NADSYN1: variants seen among roughly 807,000 people sequenced by gnomAD.
The protein encoded by NADSYN1 is NAD synthetase 1, also known as glutamine-dependent NAD(+) synthetase.
A neutral mutation model predicts 99.3 loss-of-function variants in NADSYN1; 80 were observed. That is an observed-to-expected ratio of 0.81 (90% CI 0.67 to 0.97). The LOEUF (loss-of-function observed/expected upper bound fraction) is 0.97, where lower values mean the gene tolerates loss of function less well. NADSYN1 is among the 50% of genes least tolerant of loss of function. NADSYN1 has a pLI of 0.00. For missense variants in NADSYN1, 859 were observed against 948.5 expected (o/e 0.91, Z 1.24); for synonymous variants, 385 against 372.1 (o/e 1.03, Z -0.40).
intron 13 of NADSYN1, 60 bp from the exon 14 acceptor site, chr11:71,482,789 C>A (rs1949717992): frequency 6.3e-7 from 1 of 1,578,538 alleles, no homozygotes; most frequent in Middle Eastern, 2.3e-4. Flanking sequence ...CGGGGTGGAA[C>A]TATGTAAACA....
chr11:71,487,844 A>AAAAAG (rs1458488690), intron 16 of NADSYN1, among the ~76,000 whole-genome samples: 1 of 151,326 alleles, frequency 6.6e-6, no homozygotes, highest in Non-Finnish European at 1.5e-5. Context: ...AAAAAAAAAA[A>AAAAAG]AAAAAAGAAA....
chr11:71,463,129 G>A (rs1027096849), intron 3 of NADSYN1, among the ~76,000 whole-genome samples: 1 of 152,172 alleles, frequency 6.6e-6, no homozygotes, highest in African/African-American at 2.4e-5. Context: ...AGGGGAGGAG[G>A]CAACAGAGGC....
In NADSYN1 at chr11:71,501,369, G is replaced by T. The variant is rs750976311; in HGVS notation, c.*17G>T. 1 of 1,594,570 alleles carries T rather than the reference G, an allele frequency of 6.3e-7. No homozygotes were observed. The highest frequency in any genetic ancestry group is 8.5e-7 in the Non-Finnish European group (1 of 1,170,774). ...GTGGACTGAGGCCGGTTCCTTCCTG[G>T]AGGCCTCCTGTCCTCGGGGACCCCA... On this transcript the variant is annotated 3_prime_UTR_variant, in exon 21 of 21. Transcript: ENST00000319023.
chr11:71,491,445 G>GT (rs1949778553), intron 17 of NADSYN1, among the ~76,000 whole-genome samples: 7 of 151,770 alleles, frequency 4.6e-5, no homozygotes, highest in Non-Finnish European at 1.0e-4. Context: ...GACATGCTTA[G>GT]CTTCGCCACA....
chr11:71,470,307 C>T (rs1308579183), intron 5 of NADSYN1, among the ~76,000 whole-genome samples: 2 of 152,220 alleles, frequency 1.3e-5, no homozygotes, highest in African/African-American at 4.8e-5. Context: ...ACCATATCAG[C>T]GCACCTGGGT....
chr11:71,460,512 G>T (rs573414332), intron 3 of NADSYN1, among the ~76,000 whole-genome samples: 7 of 152,146 alleles, frequency 4.6e-5, no homozygotes, highest in South Asian at 2.1e-4. Context: ...CAGTACACCT[G>T]GCTAATTTTA....
intron 9 of NADSYN1, among the ~76,000 whole-genome samples, chr11:71,475,807 T>C (rs942927978): frequency 4.6e-5 from 7 of 152,062 alleles, no homozygotes; most frequent in Non-Finnish European, 4.4e-5. Context: ...CTCCGCCCCA[T>C]GTTAAAGCAA....
intron 2 of NADSYN1, 112 bp downstream of exon 2, chr11:71,455,282 G>A (rs116869805): frequency 1.6e-5 from 14 of 900,852 alleles, no homozygotes; most frequent in African/African-American, 5.0e-5. Flanking sequence ...CTGTGGACAC[G>A]CCACACCCAC....
intron 2 of NADSYN1, among the ~76,000 whole-genome samples, chr11:71,457,658 C>T (rs1949522517): frequency 6.6e-6 from 1 of 152,168 alleles, no homozygotes; most frequent in African/African-American, 2.4e-5. Context: ...GCGTCTGGCT[C>T]CCTCCGAAGG....
intron 9 of NADSYN1, chr11:71,475,948 A>AG (rs1164105002): frequency 4.5e-6 from 2 of 448,422 alleles, no homozygotes; most frequent in African/African-American, 4.0e-5. Context: ...TCCTGAGCTC[A>AG]GGCAATCCAC....
At chr11:71,476,888 A>C (rs755536666) in intron 9 of NADSYN1, 1 of 987,170 alleles carries the variant, frequency 1.0e-6, no homozygotes, top group Non-Finnish European at 1.2e-6. Flanking sequence ...TGTTTCGTGC[A>C]TTAGAATCCG....
intron 11 of NADSYN1, chr11:71,481,106 G>C (rs1375138715): frequency 1.5e-6 from 1 of 659,240 alleles, no homozygotes; most frequent in African/African-American, 1.8e-5. Flanking sequence ...GGGCCCCAAG[G>C]TGCTGTCCGT....
chr11:71,473,471 T>A (rs1255663822), intron 7 of NADSYN1, 98 bp from the exon 8 acceptor site: 1 of 1,532,368 alleles, frequency 6.5e-7, no homozygotes, highest in East Asian at 2.3e-5. Flanking sequence ...GCCGTGGCCG[T>A]GGGCTGGGAG....
Position 71,498,457 on chromosome 11 carries a change from A to C in NADSYN1, c.1999A>C (p.Asn667His), listed in dbSNP as rs745557107. The change falls in exon 20 of 21, where the codon AAC becomes CAC. Residue 667 changes from asparagine (N) to histidine (H), a missense_variant. Coordinates refer to ENST00000319023, the MANE Select transcript of NADSYN1 (RefSeq NM_018161.5). The part of the protein sequence containing the change: ...YHAENYSPED[N>H]RFDLRPFLYN... ...CGCCGAGAACTACAGCCCTGAGGACAACAGGTTTGATCTGCGACCATTTCT... is the reference window on the plus strand; with the variant it reads ...CGCCGAGAACTACAGCCCTGAGGACCACAGGTTTGATCTGCGACCATTTCT... The C allele has an allele frequency of 6.2e-7, 1 of 1,614,230 alleles. No individual in the cohort carries two copies. The highest frequency in any genetic ancestry group is 1.3e-5 in the African/African-American group (1 of 75,060).
At chr11:71,477,386 A>AACC (rs1489661310) in intron 9 of NADSYN1, 10 of 1,289,762 alleles carry the variant, frequency 7.8e-6, no homozygotes, top group Non-Finnish European at 1.0e-5. Flanking sequence ...GCAGCCAGAG[A>AACC]ACCACAGGAT....
intron 5 of NADSYN1, chr11:71,464,344 C>T (rs1466506587): frequency 1.2e-5 from 6 of 518,814 alleles, no homozygotes; most frequent in East Asian, 3.3e-5. Context: ...ATGAAAGCCC[C>T]CTCCACAGGG....
chr11:71,473,384 G>T lies in NADSYN1; in HGVS notation c.548+18G>T. 1 of 1,613,062 alleles carries T rather than the reference G, an allele frequency of 6.2e-7. No homozygotes were observed. ...CCCCACAGGTCAGCCCCATGCCCCT[G>T]TGCTGTCTGATCGCCCACCTCATAT... On this transcript the variant is annotated intron_variant, in intron 7 of 20. Transcript: ENST00000319023.
In NADSYN1 at chr11:71,473,605, C is replaced by T; in HGVS notation, c.585C>T (p.Ile195=). The T allele has an allele frequency of 6.2e-7, 1 of 1,612,968 alleles. No homozygotes were observed. Residue 195 remains isoleucine, a synonymous_variant, in exon 8 of 21, where the codon ATC becomes ATT. Transcript: ENST00000319023. The part of the protein sequence containing the change: ...HIDMGLDGVE[I]ITNASGSHQV... ...ACATGGGCCTGGATGGCGTGGAGAT[C>T]ATCACCAACGCCTCGGGCAGCCACC...
intron 5 of NADSYN1, among the ~76,000 whole-genome samples, chr11:71,471,773 C>A (rs145569310): frequency 2.0e-5 from 3 of 152,154 alleles, no homozygotes; most frequent in Admixed American, 2.0e-4. Context: ...GTTTCTCAAC[C>A]TTTAACATTT....
Sources: allele counts gnomAD v4.1 joint callset (sites outside exome capture counted in the v4.1 genomes callset), GRCh38; gene constraint gnomAD v4.1.1; transcripts MANE v1.5; gene names NCBI Gene and HGNC (gene_info 2026-07-23, HGNC 2026-07-21).